Variants in PRKCE observed in about 807,000 individuals in gnomAD.
The protein encoded by PRKCE is protein kinase C epsilon.
In PRKCE, 16 loss-of-function variants were observed where a neutral mutation model predicts 85.4. The ratio of observed to expected loss-of-function variants is 0.19; its 90% CI spans 0.13 to 0.28. The LOEUF is 0.28. Among genes scored for constraint, PRKCE ranks in the 10% least tolerant of loss-of-function variants. The probability of loss-of-function intolerance (pLI) is 1.00; values close to 1 mark genes in which losing one functional copy is unlikely to be tolerated. For synonymous variants in PRKCE, 388 were observed against 371.5 expected (o/e 1.04, Z -0.51); for missense variants, 573 against 975.2 (o/e 0.59, Z 5.49).
At position 45,786,928 on chromosome 2, in the gene PRKCE, A is replaced by G. The variant is rs1349442935; in HGVS notation, c.349-56072A>G. Among the ~76,000 whole-genome samples, 1 of 152,268 alleles carries G rather than the reference A, an allele frequency of 6.6e-6. No individual in the cohort carries two copies. The highest frequency in any genetic ancestry group is 2.4e-5 in the African/African-American group (1 of 41,478). ...CGATTCCAGAACCTCACTGTTAACC[A>G]GGAAGCTGGTGTTTCTCAAACTCGC... is the stretch of plus-strand genomic sequence containing the variant. On this transcript the variant is annotated intron_variant, in intron 1 of 14. Coordinates refer to ENST00000306156, the MANE Select transcript of PRKCE (RefSeq NM_005400.3). The surrounding 1 kb of genome is among the most constrained non-coding windows in gnomAD (Gnocchi z 5.3).
At chr2:45,939,601 C>G (rs1051865728) in intron 2 of PRKCE, among the ~76,000 whole-genome samples, 9 of 151,856 alleles carry the variant, frequency 5.9e-5, no homozygotes, top group African/African-American at 2.2e-4. Context: ...TATCGCTAGG[C>G]TGGAGTGCAG....
At position 46,170,538 on chromosome 2, in the gene PRKCE, A is replaced by G. The variant is rs981153999; in HGVS notation, c.2067+10786A>G. The stretch of plus-strand genomic sequence containing the variant: ...AAATGCATCCCCAGCAGTTAGAACA[A>G]TTCCTGGCACATAGTAGGTATTCAA... On this transcript the variant is annotated intron_variant, in intron 14 of 14. Transcript: ENST00000306156. Among the ~76,000 whole-genome samples the G allele has an allele frequency of 4.6e-4, 70 of 152,382 alleles. 1 individual carries two copies. The highest frequency in any genetic ancestry group is 1.6e-3 in the African/African-American group (68 of 41,598).
At chr2:45,685,187 G>A (rs577694645) in intron 1 of PRKCE, among the ~76,000 whole-genome samples, 2 of 152,282 alleles carry the variant, frequency 1.3e-5, no homozygotes, top group Non-Finnish European at 2.9e-5. Flanking sequence ...AAAAGTAAAG[G>A]AAGATCAGTT....
Position 46,005,799 on chromosome 2 carries a change from A to T in PRKCE, c.1063+1161A>T, listed in dbSNP as rs114694715. Among the ~76,000 whole-genome samples the T allele has an allele frequency of 5.3e-3, 805 of 152,252 alleles. 3 individuals are homozygous for T. Among genetic ancestry groups the T allele is most frequent in the African/African-American group, 0.017 (724 of 41,538 alleles). On this transcript the variant is annotated intron_variant, in intron 8 of 14. Coordinates refer to ENST00000306156, the MANE Select transcript of PRKCE (RefSeq NM_005400.3). The stretch of plus-strand genomic sequence containing the variant: ...TTAACTTTCTGTGTCTTTATACTCT[A>T]CCTCATTCCAAATGAGATTTGAAGC...
chr2:46,019,389 G>A (rs1381102797), intron 10 of PRKCE, among the ~76,000 whole-genome samples: 6 of 152,164 alleles, frequency 3.9e-5, no homozygotes. Context: ...CCTGTCCAGG[G>A]TGGTTCCCCG....
chr2:45,957,936 A>G (rs1701082921), intron 2 of PRKCE, among the ~76,000 whole-genome samples: 1 of 142,274 alleles, frequency 7.0e-6, no homozygotes, highest in Non-Finnish European at 1.5e-5. Context: ...TTTTTTTTTA[A>G]TGTAGTCCTG....
chr2:45,734,006 AG>A, intron 1 of PRKCE, among the ~76,000 whole-genome samples: 1 of 152,328 alleles, frequency 6.6e-6, no homozygotes, highest in East Asian at 1.9e-4. Context: ...TCTGCTGTAT[AG>A]CAGGTGGCAC....
At chr2:45,916,078 G>T (rs1313523371) in intron 2 of PRKCE, among the ~76,000 whole-genome samples, 17 of 152,098 alleles carry the variant, frequency 1.1e-4, no homozygotes, top group Admixed American at 1.0e-3. Context: ...GGTGGTATGA[G>T]GAAGGAACTC....
chr2:45,969,113 C>T (rs1193830121), intron 2 of PRKCE, among the ~76,000 whole-genome samples: 1 of 151,324 alleles, frequency 6.6e-6, no homozygotes, highest in African/African-American at 2.4e-5. Flanking sequence ...AAGGAGAAAC[C>T]ATCCCTGGAA....
rs1319908327 is a variant in PRKCE, at chr2:45,744,572, TCCTTTC to T, written c.348+92125_348+92130del. On this transcript the variant is annotated intron_variant, in intron 1 of 14. Transcript: ENST00000306156. ...TTTCTTCCTTCCTTCCTTCCTTCCT[TCCTTTC>T]TTTTTCTTTCTTTCTTTCCTCCTTA... Among the ~76,000 whole-genome samples the T allele has an allele frequency of 1.1e-3, 127 of 111,262 alleles. 7 individuals carry two copies. Among genetic ancestry groups the T allele is most frequent in the East Asian group, 8.5e-3 (24 of 2,824 alleles). 73.0% of individuals were successfully genotyped at this position (111,262 alleles called of 152,430 possible). A position where few individuals can be genotyped will look rare whatever the true frequency, so the allele number is the denominator to read the frequency against.
In PRKCE at chr2:45,935,065, T is replaced by TCACACA. The variant is rs758047038; in HGVS notation, c.413-41363_413-41362insACACAC. Among the ~76,000 whole-genome samples the TCACACA allele has an allele frequency of 2.4e-3, 257 of 107,198 alleles. 1 individual carries two copies. The highest frequency in any genetic ancestry group is 4.8e-3 in the African/African-American group (137 of 28,512). The allele number at this position is 107,198 out of a possible 152,430, so 70.3% of individuals were successfully genotyped here. On this transcript the variant is annotated intron_variant, in intron 2 of 14. Coordinates refer to ENST00000306156, the MANE Select transcript of PRKCE (RefSeq NM_005400.3). ...AGCAAAGCGAGACACTCACTCTCTC[T>TCACACA]CTCACACACACACACACACACACAC...
chr2:46,151,609 T>C (rs191562064), intron 13 of PRKCE, among the ~76,000 whole-genome samples: 3 of 142,442 alleles, frequency 2.1e-5, no homozygotes, highest in African/African-American at 5.2e-5. Context: ...ATACCTTCCT[T>C]ACCTGTGGCC....
At chr2:45,939,871 G>A (rs58585992) in intron 2 of PRKCE, among the ~76,000 whole-genome samples, 6,028 of 152,220 alleles carry the variant, frequency 0.04, 175 homozygotes, top group East Asian at 0.15. Context: ...CACTTTTAAG[G>A]CATGCTTGCT....
intron 1 of PRKCE, among the ~76,000 whole-genome samples, chr2:45,662,253 C>T (rs1210902938): frequency 6.6e-6 from 1 of 152,152 alleles, no homozygotes; most frequent in African/African-American, 2.4e-5. Flanking sequence ...AGGTGCTATG[C>T]CCACTATGTC....
chr2:45,876,420 C>A (rs1456961256), intron 2 of PRKCE, among the ~76,000 whole-genome samples: 1 of 152,208 alleles, frequency 6.6e-6, no homozygotes, highest in African/African-American at 2.4e-5. Flanking sequence ...ATTATTTGTA[C>A]TTAAAAGCAC....
intron 11 of PRKCE, among the ~76,000 whole-genome samples, chr2:46,126,058 T>C (rs1673818079): frequency 6.6e-6 from 1 of 152,200 alleles, no homozygotes; most frequent in Non-Finnish European, 1.5e-5. Flanking sequence ...GGCAGTGTTG[T>C]TTTACCAGCC....
At chr2:45,744,465 CTTTCTTTCT>C (rs1558623472) in intron 1 of PRKCE, among the ~76,000 whole-genome samples, 1 of 54,018 alleles carries the variant, frequency 1.9e-5, no homozygotes, top group Non-Finnish European at 3.6e-5. Flanking sequence ...TTCTTTCTTT[CTTTCTTTCT>C]TTCTTTCTTT....
At chr2:46,137,538 G>A (rs548753355) in intron 11 of PRKCE, among the ~76,000 whole-genome samples, 387 of 150,808 alleles carry the variant, frequency 2.6e-3, no homozygotes, top group Non-Finnish European at 4.6e-3. Flanking sequence ...ATCATTTGAG[G>A]TCAGGAGTTC....
At chr2:46,102,431 G>A (rs1336246878) in intron 11 of PRKCE, among the ~76,000 whole-genome samples, 2 of 152,110 alleles carry the variant, frequency 1.3e-5, no homozygotes, top group African/African-American at 4.8e-5. Context: ...TAGATTTACA[G>A]AATAGTTGCA....
Sources: gnomAD v4.1 joint callset for allele counts (sites outside exome capture counted in the v4.1 genomes callset) on GRCh38, gnomAD v4.1.1 for gene constraint, Gnocchi (gnomAD v3.1) non-coding constraint, MANE v1.5 for transcripts, NCBI Gene and HGNC (gene_info 2026-07-23, HGNC 2026-07-21) for gene names.